PAM: variants seen among roughly 807,000 people sequenced by gnomAD.
PAM encodes the protein peptidylglycine alpha-amidating monooxygenase.
PAM carries 72 observed loss-of-function variants against 122.1 expected under a neutral mutation model. The ratio of observed to expected loss-of-function variants is 0.59; its 90% CI spans 0.49 to 0.72. PAM has a LOEUF of 0.72. PAM is among the 30% of genes least tolerant of loss of function. The pLI is 0.00. For missense variants in PAM, 1,106 were observed against 1,183.7 expected (o/e 0.93, Z 0.96); for synonymous variants, 389 against 404.4 (o/e 0.96, Z 0.46).
rs544403908 is a variant in PAM, at chr5:102,895,338, G to T, written c.211-6018G>T. On this transcript the variant is annotated intron_variant, in intron 3 of 25. Transcript: ENST00000438793. ...AACATTTATGTGTAATTATTTCTTT[G>T]CTAAACTAGTAGACTAAGTTTTATG... Among the ~76,000 whole-genome samples the T allele has an allele frequency of 1.1e-4, 16 of 151,738 alleles. No individual in the cohort carries two copies. In the South Asian group the frequency reaches 3.3e-3, roughly 31 times the overall value.
intron 7 of PAM, among the ~76,000 whole-genome samples, chr5:102,935,269 CT>C (rs145419441): frequency 3.0e-4 from 44 of 147,776 alleles, no homozygotes; most frequent in East Asian, 3.9e-4. Flanking sequence ...GTACTTTTTT[CT>C]TTTTTTTTTG....
chr5:102,930,528 G>A (rs1027474001), intron 7 of PAM, among the ~76,000 whole-genome samples: 1 of 152,180 alleles, frequency 6.6e-6, no homozygotes, highest in African/African-American at 2.4e-5. Context: ...AGAACTTTGG[G>A]TCATCTGACG....
intron 21 of PAM, 93 bp from the exon 22 acceptor site, chr5:103,017,241 T>C (rs1188523823): frequency 1.2e-6 from 1 of 831,100 alleles, no homozygotes; most frequent in East Asian, 2.4e-5. Context: ...TGTTTTGTTG[T>C]TTTGTTGTGG....
intron 1 of PAM, among the ~76,000 whole-genome samples, chr5:102,779,024 G>C (rs1419699438): frequency 6.6e-6 from 1 of 152,100 alleles, no homozygotes; most frequent in Non-Finnish European, 1.5e-5. Context: ...GCTTCTCTCT[G>C]TGCCTCTAAC....
At chr5:102,816,245 G>A (rs187760723) in intron 1 of PAM, among the ~76,000 whole-genome samples, 12 of 152,222 alleles carry the variant, frequency 7.9e-5, no homozygotes, top group African/African-American at 2.9e-4. Flanking sequence ...GCCAGCCTGT[G>A]TAAAATTACT....
intron 1 of PAM, among the ~76,000 whole-genome samples, chr5:102,779,912 T>TACAC (rs1179087816): frequency 8.8e-5 from 6 of 67,916 alleles, no homozygotes; most frequent in African/African-American, 3.1e-4. Flanking sequence ...TATATATATA[T>TACAC]ATATATACAC....
chr5:102,814,503 C>G (rs1346569553), intron 1 of PAM, among the ~76,000 whole-genome samples: 4 of 144,204 alleles, frequency 2.8e-5, no homozygotes, highest in African/African-American at 7.9e-5. Context: ...AAAAGCGTCT[C>G]TCTCTCTCTC....
chr5:102,869,924 G>T (rs1184252211), intron 3 of PAM, among the ~76,000 whole-genome samples: 1 of 151,342 alleles, frequency 6.6e-6, no homozygotes, highest in Non-Finnish European at 1.5e-5. Flanking sequence ...AAGAAGAGTT[G>T]ACCGAAAAAC....
At chr5:102,906,638 G>A (rs369438372) in intron 4 of PAM, among the ~76,000 whole-genome samples, 9 of 151,842 alleles carry the variant, frequency 5.9e-5, no homozygotes, top group African/African-American at 2.2e-4. Context: ...CTATTTGGGA[G>A]GACAAAGAAC....
At chr5:102,797,975 T>G (rs1375807606) in intron 1 of PAM, among the ~76,000 whole-genome samples, 2 of 152,140 alleles carry the variant, frequency 1.3e-5, no homozygotes, top group Non-Finnish European at 2.9e-5. Context: ...TTATACATAC[T>G]AAAGAATAAT....
intron 1 of PAM, among the ~76,000 whole-genome samples, chr5:102,841,172 TATTTAG>T (rs1778497978): frequency 1.3e-5 from 2 of 152,198 alleles, no homozygotes; most frequent in South Asian, 4.1e-4. Flanking sequence ...AAAATTCAGC[TATTTAG>T]AATGGAATTG....
At chr5:103,001,351 G>A (rs1048321833) in intron 16 of PAM, among the ~76,000 whole-genome samples, 13 of 151,904 alleles carry the variant, frequency 8.6e-5, no homozygotes, top group Non-Finnish European at 4.4e-5. Context: ...AATACTATGA[G>A]TATTCTTACA....
At chr5:102,845,725 C>T (rs1039972367) in intron 1 of PAM, among the ~76,000 whole-genome samples, 17 of 152,266 alleles carry the variant, frequency 1.1e-4, no homozygotes, top group African/African-American at 2.9e-4. Flanking sequence ...AGATGCCCTA[C>T]GTTCAAAGTC....
chr5:102,965,162 G>GACACACACACAC lies in PAM; in HGVS notation c.1162+3958_1162+3969dup, dbSNP rs66633444. On this transcript the variant is annotated intron_variant, in intron 14 of 25. Transcript: ENST00000438793. Reference sequence around the variant, plus strand: ...GTTCACACTGATGTCTTCCAAAGCAGACACACACACACACACACACACACA... The same window carrying GACACACACACAC: ...GTTCACACTGATGTCTTCCAAAGCAGACACACACACACACACACACACACACACACACACACA... Among the ~76,000 whole-genome samples, 1,273 of 138,786 alleles carry GACACACACACAC rather than the reference G, an allele frequency of 9.2e-3. 19 individuals carry two copies. Among genetic ancestry groups the GACACACACACAC allele is most frequent in the African/African-American group, 0.031 (1,189 of 37,798 alleles). 91.0% of individuals were successfully genotyped at this position (138,786 alleles called of 152,430 possible).
At chr5:102,823,562 C>A (rs539633938) in intron 1 of PAM, among the ~76,000 whole-genome samples, 2 of 152,108 alleles carry the variant, frequency 1.3e-5, no homozygotes, top group Admixed American at 6.6e-5. Flanking sequence ...CTGAAAGGAG[C>A]GCTGGAACAG....
intron 12 of PAM, among the ~76,000 whole-genome samples, chr5:102,959,111 A>T (rs1481378967): frequency 1.3e-5 from 2 of 152,158 alleles, no homozygotes; most frequent in Non-Finnish European, 2.9e-5. Flanking sequence ...TATCATTGGG[A>T]ACTTTTTTCT....
intron 1 of PAM, among the ~76,000 whole-genome samples, chr5:102,820,389 T>G (rs911678393): frequency 1.6e-4 from 25 of 152,324 alleles, no homozygotes; most frequent in African/African-American, 6.0e-4. Context: ...ATTTTAAAAT[T>G]TTTATAACTG....
intron 14 of PAM, among the ~76,000 whole-genome samples, chr5:102,963,599 T>C (rs1408524742): frequency 6.6e-6 from 1 of 151,924 alleles, no homozygotes; most frequent in East Asian, 1.9e-4. Flanking sequence ...GTGGTTGTGC[T>C]AGCCACAAGC....
At chr5:102,931,415 GTTTCCCTCTCCCCCTT>G (rs958278532) in intron 7 of PAM, among the ~76,000 whole-genome samples, 2 of 152,058 alleles carry the variant, frequency 1.3e-5, no homozygotes, top group African/African-American at 4.8e-5. Context: ...ATTCCTCCAG[GTTTCCCTCTCCCCCTT>G]TTTTTGACCA....
Sources: gnomAD v4.1 joint callset for allele counts (sites outside exome capture counted in the v4.1 genomes callset) on GRCh38, gnomAD v4.1.1 for gene constraint, MANE v1.5 for transcripts, NCBI Gene and HGNC (gene_info 2026-07-23, HGNC 2026-07-21) for gene names.